The following PPP6C variants were observed in gnomAD, a reference collection of about 807,000 sequenced individuals.
PPP6C encodes the protein protein phosphatase 6 catalytic subunit.
PPP6C carries 11 observed loss-of-function variants against 39.8 expected under a neutral mutation model. That is an observed-to-expected ratio of 0.28 (90% CI 0.17 to 0.46). PPP6C has a LOEUF of 0.46. PPP6C is among the 20% of genes least tolerant of loss of function. The pLI is 1.00. For missense variants in PPP6C, 211 were observed against 373.9 expected (o/e 0.56, Z 3.59); for synonymous variants, 129 against 130.3 (o/e 0.99, Z 0.07).
At chr9:125,188,827 G>A (rs930493596) in intron 1 of PPP6C, 56 of 432,030 alleles carry the variant, frequency 1.3e-4, no homozygotes, top group Non-Finnish European at 1.9e-4. Flanking sequence ...TAATTAAAAA[G>A]TTTTAAAAAA....
At chr9:125,150,383 G>A (rs1277327284) in intron 6 of PPP6C, among the ~76,000 whole-genome samples, 1 of 151,616 alleles carries the variant, frequency 6.6e-6, no homozygotes, top group East Asian at 1.9e-4. Flanking sequence ...CTAGTTTTTT[G>A]ACTTCATTAT....
At chr9:125,175,113 CAGG>C (rs1829267696) in intron 1 of PPP6C, among the ~76,000 whole-genome samples, 2 of 150,894 alleles carry the variant, frequency 1.3e-5, no homozygotes, top group South Asian at 4.2e-4. Flanking sequence ...GAGGCTGAGG[CAGG>C]AGAATTGCTT....
chr9:125,182,334 CTT>C (rs1829437048), intron 1 of PPP6C, among the ~76,000 whole-genome samples: 1 of 151,988 alleles, frequency 6.6e-6, no homozygotes, highest in Non-Finnish European at 1.5e-5. Flanking sequence ...ATAAAACACT[CTT>C]AGCTTTAAAA....
chr9:125,169,729 G>A (rs1471765599), intron 2 of PPP6C, among the ~76,000 whole-genome samples: 1 of 152,058 alleles, frequency 6.6e-6, no homozygotes, highest in Non-Finnish European at 1.5e-5. Flanking sequence ...TGAGAGAGAA[G>A]TTACATGGAA....
At chr9:125,177,934 T>C (rs1488197909) in intron 1 of PPP6C, among the ~76,000 whole-genome samples, 2 of 152,222 alleles carry the variant, frequency 1.3e-5, no homozygotes, top group Non-Finnish European at 2.9e-5. Flanking sequence ...TTCTTTCATT[T>C]AGTAATATGT....
chr9:125,154,828 A>G (rs938151455), intron 4 of PPP6C, among the ~76,000 whole-genome samples: 2 of 152,222 alleles, frequency 1.3e-5, no homozygotes, highest in African/African-American at 4.8e-5. Flanking sequence ...CAGTGGATCA[A>G]AACTGAGGAC....
chr9:125,153,298 A>G (rs1055833179), intron 6 of PPP6C, among the ~76,000 whole-genome samples: 2 of 152,236 alleles, frequency 1.3e-5, no homozygotes, highest in Non-Finnish European at 2.9e-5. Context: ...AAAAGGAAAG[A>G]ACATTTACTT....
intron 6 of PPP6C, among the ~76,000 whole-genome samples, chr9:125,152,100 G>C (rs1006872531): frequency 4.0e-5 from 6 of 149,926 alleles, no homozygotes; most frequent in African/African-American, 1.5e-4. Flanking sequence ...GGCTTGAGCA[G>C]CCATGGGGTA....
At chr9:125,181,438 AC>A (rs1314603390) in intron 1 of PPP6C, among the ~76,000 whole-genome samples, 1 of 151,906 alleles carries the variant, frequency 6.6e-6, no homozygotes, top group African/African-American at 2.4e-5. Flanking sequence ...GCACCCATCA[AC>A]CCATCATCTA....
At chr9:125,173,063 G>A (rs1240800890) in intron 1 of PPP6C, among the ~76,000 whole-genome samples, 1 of 152,034 alleles carries the variant, frequency 6.6e-6, no homozygotes, top group Non-Finnish European at 1.5e-5. Flanking sequence ...GATCATTTGA[G>A]GTCAGGAGTT....
chr9:125,186,302 A>G (rs1220315003), intron 1 of PPP6C, among the ~76,000 whole-genome samples: 1 of 152,050 alleles, frequency 6.6e-6, no homozygotes, highest in Admixed American at 6.6e-5. Context: ...AAAAAAATTA[A>G]ATTTCTTTAA....
At position 125,146,896 on chromosome 9, in the gene PPP6C, T is replaced by C. The variant is rs1835825503; in HGVS notation, c.*2777A>G. 1 of 152,222 alleles carries C rather than the reference T, an allele frequency of 6.6e-6. No homozygotes were observed. The highest frequency in any genetic ancestry group is 2.4e-5 in the African/African-American group (1 of 41,458). 9.4% of individuals were successfully genotyped at this position (152,222 alleles called of 1,614,324 possible). A position where few individuals can be genotyped will look rare whatever the true frequency, so the allele number is the denominator to read the frequency against. ...AAAGAGTCCTAATTTGCTTTCACAG[T>C]ACAGGCATTTTCCAAAACCTGGTTC... On this transcript the variant is annotated 3_prime_UTR_variant, in exon 7 of 7. Transcript: ENST00000373547.
At chr9:125,152,447 T>C (rs901122404) in intron 6 of PPP6C, among the ~76,000 whole-genome samples, 2 of 152,202 alleles carry the variant, frequency 1.3e-5, no homozygotes, top group African/African-American at 4.8e-5. Context: ...TAGTGCCTTT[T>C]GATTAATTTA....
intron 5 of PPP6C, 58 bp from the exon 6 acceptor site, chr9:125,153,800 T>A: frequency 1.3e-6 from 2 of 1,548,038 alleles, no homozygotes; most frequent in Non-Finnish European, 8.9e-7. Flanking sequence ...TCTAAACTCA[T>A]CAGTGAATAC....
intron 1 of PPP6C, among the ~76,000 whole-genome samples, chr9:125,187,474 G>A (rs919211932): frequency 6.6e-6 from 1 of 151,628 alleles, no homozygotes; most frequent in Non-Finnish European, 1.5e-5. Flanking sequence ...AGTAGAGAGG[G>A]GGTTTCACCA....
chr9:125,160,956 A>G, intron 2 of PPP6C, 50 bp from the exon 3 acceptor site: 1 of 1,324,428 alleles, frequency 7.6e-7, no homozygotes, highest in South Asian at 1.4e-5. Flanking sequence ...GTTAAGAAGC[A>G]AAGCAACAAA....
intron 1 of PPP6C, among the ~76,000 whole-genome samples, chr9:125,176,757 G>C (rs1273021735): frequency 6.6e-6 from 1 of 152,198 alleles, no homozygotes; most frequent in Non-Finnish European, 1.5e-5. Flanking sequence ...TCAGTTAAGT[G>C]TCTTCTATAA....
At chr9:125,158,639 GA>G (rs148987834) in intron 3 of PPP6C, among the ~76,000 whole-genome samples, 10 of 145,080 alleles carry the variant, frequency 6.9e-5, no homozygotes, top group Admixed American at 2.8e-4. Context: ...AACTTTCCCT[GA>G]AAAAAAAAAC....
intron 2 of PPP6C, among the ~76,000 whole-genome samples, chr9:125,168,601 G>C (rs1040107352): frequency 7.9e-5 from 12 of 152,052 alleles, no homozygotes; most frequent in African/African-American, 2.7e-4. Context: ...TGGGATTACA[G>C]GCGCCTGTCA....
Sources: allele counts gnomAD v4.1 joint callset (sites outside exome capture counted in the v4.1 genomes callset), GRCh38; gene constraint gnomAD v4.1.1; transcripts MANE v1.5; gene names NCBI Gene and HGNC (gene_info 2026-07-23, HGNC 2026-07-21).